The following TTBK2 variants were observed in gnomAD, a reference collection of about 807,000 sequenced individuals.
TTBK2 encodes tau tubulin kinase 2.
A neutral mutation model predicts 110.8 loss-of-function variants in TTBK2; 28 were observed. The ratio of observed to expected loss-of-function variants is 0.25; its 90% CI spans 0.19 to 0.35. The LOEUF (loss-of-function observed/expected upper bound fraction) is 0.35. TTBK2 is among the 10% of genes least tolerant of loss of function. The pLI, the probability that TTBK2 is intolerant of heterozygous loss-of-function variation, is 1.00. For missense variants in TTBK2, 1,369 were observed against 1,500.3 expected, an observed-to-expected ratio of 0.91 and a Z score of 1.45; for synonymous variants, 532 against 527.3, an observed-to-expected ratio of 1.01 and a Z score of -0.12.
intron 2 of TTBK2, among the ~76,000 whole-genome samples, chr15:42,875,077 C>T (rs2141123592): frequency 6.6e-6 from 1 of 152,030 alleles, no homozygotes; most frequent in South Asian, 2.1e-4. Flanking sequence ...CAGTACCAAA[C>T]AGATTCCTTT....
In TTBK2 at chr15:42,752,746, C is replaced by T. The variant is rs917332444; in HGVS notation, c.2500G>A (p.Val834Met). ...DVTKTQTFSV[V>M]PNQDKNNEIM... ...TCATTATTTTTGTCTTGATTTGGCA[C>T]CACACTAAAAGTCTGTGTTTTTGTC... Residue 834 changes from valine (V) to methionine (M), a missense_variant, in exon 14 of 15, where the codon GTG becomes ATG. Val to Met is a conservative substitution (Grantham distance 21). Transcript: ENST00000267890. 6.2e-7 allele frequency: 1 copy of T among 1,614,038 alleles called. No individual in the cohort carries two copies. Among genetic ancestry groups the T allele is most frequent in the Non-Finnish European group, 8.5e-7 (1 of 1,180,032 alleles).
At chr15:42,919,403 A>C (rs1281266471) in intron 1 of TTBK2, among the ~76,000 whole-genome samples, 1 of 152,224 alleles carries the variant, frequency 6.6e-6, no homozygotes, top group Non-Finnish European at 1.5e-5. Context: ...CCAAAGGTAC[A>C]CAGCCAACAC....
At chr15:42,816,093 T>A (rs868646961) in intron 7 of TTBK2, among the ~76,000 whole-genome samples, 9 of 110,564 alleles carry the variant, frequency 8.1e-5, no homozygotes, top group African/African-American at 3.6e-4. Flanking sequence ...TAAATATATA[T>A]ATATATATAT....
At chr15:42,854,975 T>C (rs1893870433) in intron 3 of TTBK2, 1 of 152,246 alleles carries the variant, frequency 6.6e-6, no homozygotes, top group African/African-American at 2.4e-5. Context: ...AAAGATACTT[T>C]GTGCTGTTAT....
intron 1 of TTBK2, among the ~76,000 whole-genome samples, chr15:42,909,660 G>C (rs1462947736): frequency 6.6e-6 from 1 of 151,974 alleles, no homozygotes; most frequent in Non-Finnish European, 1.5e-5. Flanking sequence ...TTGCTATACT[G>C]AACTACATGA....
chr15:42,881,341 A>C (rs1895040929), intron 1 of TTBK2, among the ~76,000 whole-genome samples: 1 of 151,034 alleles, frequency 6.6e-6, no homozygotes, highest in Non-Finnish European at 1.5e-5. Flanking sequence ...ATAAGACTCA[A>C]ATTTCAAAAA....
chr15:42,901,680 C>T (rs989297055), intron 1 of TTBK2, among the ~76,000 whole-genome samples: 4 of 150,558 alleles, frequency 2.7e-5, no homozygotes, highest in African/African-American at 9.8e-5. Context: ...AGAATACTAT[C>T]AACAGAGTGA....
intron 1 of TTBK2, among the ~76,000 whole-genome samples, chr15:42,901,179 G>A (rs992830747): frequency 3.0e-4 from 46 of 151,952 alleles, no homozygotes; most frequent in African/African-American, 1.0e-3. Flanking sequence ...CGGCCAACAT[G>A]GTGAAACCCC....
At chr15:42,877,111 T>C (rs1894846315) in intron 2 of TTBK2, among the ~76,000 whole-genome samples, 1 of 152,154 alleles carries the variant, frequency 6.6e-6, no homozygotes, top group Non-Finnish European at 1.5e-5. Flanking sequence ...AAATAATTGA[T>C]GATAAAAAAC....
intron 4 of TTBK2, among the ~76,000 whole-genome samples, chr15:42,838,771 G>A (rs1893099120): frequency 6.6e-6 from 1 of 151,696 alleles, no homozygotes; most frequent in South Asian, 2.1e-4. Flanking sequence ...AGCCAAGACT[G>A]CACTACTACA....
At chr15:42,816,085 AATATATATATATATATAT>A (rs71431870) in intron 7 of TTBK2, among the ~76,000 whole-genome samples, 16 of 67,470 alleles carry the variant, frequency 2.4e-4, no homozygotes, top group Non-Finnish European at 2.9e-4. Context: ...TAAATAAATA[AATATATATATATATATAT>A]ATATATATAT....
At chr15:42,846,199 C>CT (rs796155471) in intron 3 of TTBK2, among the ~76,000 whole-genome samples, 1,795 of 140,660 alleles carry the variant, frequency 0.013, 30 homozygotes, top group African/African-American at 0.04. Flanking sequence ...TTTTTTCTTT[C>CT]TTTTTTTTTT....
At chr15:42,876,148 T>C (rs1156789944) in intron 2 of TTBK2, among the ~76,000 whole-genome samples, 1 of 152,174 alleles carries the variant, frequency 6.6e-6, no homozygotes, top group African/African-American at 2.4e-5. Flanking sequence ...CCCAAATTCC[T>C]ACGTCACAAA....
intron 2 of TTBK2, among the ~76,000 whole-genome samples, chr15:42,878,204 G>T (rs1176709144): frequency 1.3e-5 from 2 of 149,504 alleles, no homozygotes; most frequent in African/African-American, 4.9e-5. Context: ...AGATGGTCTT[G>T]ATCTCCTGAC....
chr15:42,889,652 CCTT>C (rs1895377125), intron 1 of TTBK2, among the ~76,000 whole-genome samples: 1 of 152,178 alleles, frequency 6.6e-6, no homozygotes, highest in Non-Finnish European at 1.5e-5. Context: ...CTATTTTTCT[CCTT>C]CTTTTATTCA....
In TTBK2 at chr15:42,744,398, G is replaced by A. The variant is rs2061767564; in HGVS notation, c.*1397C>T. 6.6e-6 allele frequency: 1 copy of A among 152,282 alleles called. No homozygotes were observed. The highest frequency in any genetic ancestry group is 1.5e-5 in the Non-Finnish European group (1 of 68,002). The allele number at this position is 152,282 out of a possible 1,614,324, so 9.4% of individuals were successfully genotyped here. On this transcript the variant is annotated 3_prime_UTR_variant, in exon 15 of 15. Coordinates refer to ENST00000267890, the MANE Select transcript of TTBK2 (RefSeq NM_173500.4). ...TTGGCAGCAAACACAAGGTCAAACA[G>A]AAAGCACATATGTTTGCTAGAAGGC...
rs1271152084 is a variant in TTBK2 at position 42,744,562 on chromosome 15, A to G, written c.*1233T>C. 6.6e-6 allele frequency: 1 copy of G among 152,204 alleles called. No homozygotes were observed. The highest frequency in any genetic ancestry group is 1.5e-5 in the Non-Finnish European group (1 of 68,026). 9.4% of individuals were successfully genotyped at this position (152,204 alleles called of 1,614,324 possible). A position where few individuals can be genotyped will look rare whatever the true frequency, so the allele number is the denominator to read the frequency against. ...GCCTGATTCCTATTAGAAGAGTGAGATTAGAACAAATATCTTCCTCTTTAC... is the reference window on the plus strand; with the variant it reads ...GCCTGATTCCTATTAGAAGAGTGAGGTTAGAACAAATATCTTCCTCTTTAC... On this transcript the variant is annotated 3_prime_UTR_variant, in exon 15 of 15. Transcript: ENST00000267890.
At position 42,815,958 on chromosome 15, in the gene TTBK2, A is replaced by AATATATATATATATATATAT. The variant is rs1555427628; in HGVS notation, c.603+1054_603+1073dup. ...TATATATATATATATTTAAAAAAAA[A>AATATATATATATATATATAT]ATATATATATATATATATATTTGAG... On this transcript the variant is annotated intron_variant, in intron 7 of 14. Coordinates refer to ENST00000267890, the MANE Select transcript of TTBK2 (RefSeq NM_173500.4). 4.1e-4 allele frequency among the ~76,000 whole-genome samples: 38 copies of AATATATATATATATATATAT among 91,686 alleles called. No individual in the cohort carries two copies. In the South Asian group the frequency reaches 6.6e-3, roughly 16 times the overall value. 60.1% of individuals were successfully genotyped at this position (91,686 alleles called of 152,430 possible).
chr15:42,839,571 T>A (rs2141013251), intron 4 of TTBK2, among the ~76,000 whole-genome samples: 1 of 152,342 alleles, frequency 6.6e-6, no homozygotes, highest in East Asian at 1.9e-4. Flanking sequence ...ACCAGCAGTG[T>A]ATAAGTGTTT....
Sources: gnomAD v4.1 joint callset for allele counts (sites outside exome capture counted in the v4.1 genomes callset) on GRCh38, gnomAD v4.1.1 for gene constraint, MANE v1.5 for transcripts, NCBI Gene and HGNC (gene_info 2026-07-23, HGNC 2026-07-21) for gene names.